Variants in KYAT1 observed in about 807,000 individuals in gnomAD.
The protein encoded by KYAT1 is kynurenine aminotransferase 1, also known as kynurenine--oxoglutarate transaminase 1.
A neutral mutation model predicts 52.4 loss-of-function variants in KYAT1; 47 were observed. The ratio of observed to expected loss-of-function variants is 0.90; its 90% CI spans 0.71 to 1.14. KYAT1 has a LOEUF of 1.14. Among genes scored for constraint, KYAT1 ranks in the 50% most tolerant of loss-of-function variants. The pLI, the probability that KYAT1 is intolerant of heterozygous loss-of-function variation, is 0.00. For synonymous variants in KYAT1, 212 were observed against 209.6 expected, an observed-to-expected ratio of 1.01 and a Z score of -0.10; for missense variants, 480 against 557.9, an observed-to-expected ratio of 0.86 and a Z score of 1.41.
intron 1 of KYAT1, 100 bp from the exon 2 acceptor site, chr9:128,845,511 A>G: frequency 9.1e-7 from 1 of 1,100,178 alleles, no homozygotes; most frequent in Non-Finnish European, 1.4e-6. Flanking sequence ...CCACAGCGCC[A>G]TCCTGTCTGC....
intron 1 of KYAT1, among the ~76,000 whole-genome samples, chr9:128,880,080 T>C (rs1382570036): frequency 6.6e-6 from 1 of 152,232 alleles, no homozygotes; most frequent in Non-Finnish European, 1.5e-5. Flanking sequence ...CTTATCTGCG[T>C]GTAAAATACA....
chr9:128,881,230 A>G (rs1390185785), intron 1 of KYAT1, among the ~76,000 whole-genome samples: 1 of 151,810 alleles, frequency 6.6e-6, no homozygotes, highest in African/African-American at 2.4e-5. Context: ...ACAGGCGCCC[A>G]CCACCACGCC....
intron 1 of KYAT1, among the ~76,000 whole-genome samples, chr9:128,853,333 C>T (rs181623678): frequency 3.9e-5 from 6 of 152,232 alleles, no homozygotes; most frequent in East Asian, 1.9e-4. Context: ...GCTCTGATGG[C>T]GTTTACTGAT....
At chr9:128,872,799 G>C (rs749713327) in intron 1 of KYAT1, among the ~76,000 whole-genome samples, 1 of 150,718 alleles carries the variant, frequency 6.6e-6, no homozygotes, top group Non-Finnish European at 1.5e-5. Flanking sequence ...TTGGCCAGAC[G>C]TGGTGGCTCA....
intron 1 of KYAT1, among the ~76,000 whole-genome samples, chr9:128,864,529 C>T (rs905781580): frequency 6.6e-6 from 1 of 152,086 alleles, no homozygotes. Flanking sequence ...CATCCCTTTA[C>T]CCTCTGGCCC....
chr9:128,845,224 G>T, intron 2 of KYAT1, 129 bp downstream of exon 2: 1 of 702,348 alleles, frequency 1.4e-6, no homozygotes, highest in Non-Finnish European at 2.4e-6. Flanking sequence ...TCTCTCCTGA[G>T]CTATGGCTGG....
intron 1 of KYAT1, among the ~76,000 whole-genome samples, chr9:128,870,479 A>G (rs184474873): frequency 6.6e-6 from 1 of 152,292 alleles, no homozygotes; most frequent in African/African-American, 2.4e-5. Context: ...TCTACAAAAA[A>G]TACAAAAATC....
intron 1 of KYAT1, among the ~76,000 whole-genome samples, chr9:128,864,920 T>G (rs1459557632): frequency 1.3e-5 from 2 of 151,846 alleles, no homozygotes; most frequent in African/African-American, 2.4e-5. Flanking sequence ...CCCATCACTT[T>G]TAATCCTATA....
At chr9:128,840,043 G>A (rs1484338887) in intron 3 of KYAT1, among the ~76,000 whole-genome samples, 2 of 148,970 alleles carry the variant, frequency 1.3e-5, no homozygotes, top group African/African-American at 4.9e-5. Flanking sequence ...CTGAGACTCT[G>A]TCTTAGACAA....
intron 7 of KYAT1, among the ~76,000 whole-genome samples, chr9:128,836,436 C>T (rs556100935): frequency 3.0e-4 from 46 of 151,996 alleles, no homozygotes; most frequent in African/African-American, 1.0e-3. Context: ...GTAGCTGGGA[C>T]TACAGGCACG....
intron 1 of KYAT1, among the ~76,000 whole-genome samples, chr9:128,849,535 C>T: frequency 6.6e-6 from 1 of 151,900 alleles, no homozygotes. Flanking sequence ...GCAGCTTATG[C>T]CTGTAATCCC....
intron 3 of KYAT1, chr9:128,840,699 A>G (rs934773890): frequency 1.4e-5 from 6 of 430,852 alleles, no homozygotes; most frequent in Non-Finnish European, 2.8e-5. Flanking sequence ...AAATGAGTAA[A>G]CCTTACTGGA....
chr9:128,838,264 C>T lies in KYAT1; in HGVS notation c.305G>A (p.Gly102Glu), dbSNP rs1288120489. 5 of 1,614,092 alleles carry T rather than the reference C, an allele frequency of 3.1e-6. No individual in the cohort carries two copies. The highest frequency in any genetic ancestry group is 4.2e-6 in the Non-Finnish European group (5 of 1,180,048). Residue 102 changes from glycine to glutamate, a missense_variant, in exon 4 of 13, where the codon GGG becomes GAG. By Grantham distance (98) the Gly-to-Glu change is moderately conservative (BLOSUM62 -2). Coordinates refer to ENST00000302586, the MANE Select transcript of KYAT1 (RefSeq NM_004059.5). ...RNVLVTVGGY[G>E]ALFTAFQALV... ...GGCCTGGAAGGCTGTGAACAGGGCCCCATAGCCACCAACAGTCACCAGCAC... is the reference window on the plus strand; with the variant it reads ...GGCCTGGAAGGCTGTGAACAGGGCCTCATAGCCACCAACAGTCACCAGCAC...
intron 1 of KYAT1, among the ~76,000 whole-genome samples, chr9:128,864,291 G>A (rs1355163192): frequency 2.7e-5 from 4 of 150,902 alleles, no homozygotes; most frequent in Admixed American, 6.6e-5. Flanking sequence ...TTGTGAACCC[G>A]GGAGGCGAAG....
intron 1 of KYAT1, among the ~76,000 whole-genome samples, chr9:128,868,616 A>G (rs951659764): frequency 3.3e-5 from 5 of 151,702 alleles, no homozygotes; most frequent in Non-Finnish European, 7.4e-5. Flanking sequence ...GGCTCACTAC[A>G]GCCTTGTTCT....
In KYAT1 at chr9:128,833,197, C is replaced by A; in HGVS notation, c.*387G>T. ...AAGCCTAAAGGCAACTCCCCAAGGCCAAGATGAGCCAGGGAAGGTGAGGTT... is the reference window on the plus strand; with the variant it reads ...AAGCCTAAAGGCAACTCCCCAAGGCAAAGATGAGCCAGGGAAGGTGAGGTT... On this transcript the variant is annotated 3_prime_UTR_variant, in exon 13 of 13. Transcript: ENST00000302586. 1 of 268,332 alleles carries A rather than the reference C, an allele frequency of 3.7e-6. No individual in the cohort carries two copies. Among genetic ancestry groups the A allele is most frequent in the Non-Finnish European group, 7.1e-6 (1 of 141,178 alleles). 16.6% of individuals were successfully genotyped at this position (268,332 alleles called of 1,614,324 possible).
chr9:128,846,857 C>T, intron 1 of KYAT1: 1 of 1,534,960 alleles, frequency 6.5e-7, no homozygotes, highest in Non-Finnish European at 8.7e-7. Context: ...TCTCAGCCAC[C>T]TGCTGTGGTC....
chr9:128,853,653 C>G (rs1159370535), intron 1 of KYAT1, among the ~76,000 whole-genome samples: 1 of 152,156 alleles, frequency 6.6e-6, no homozygotes, highest in African/African-American at 2.4e-5. Flanking sequence ...TTTACCAGGG[C>G]CTTTAACTAA....
chr9:128,846,631 A>T, intron 1 of KYAT1: 1 of 1,159,130 alleles, frequency 8.6e-7, no homozygotes, highest in Non-Finnish European at 1.2e-6. Context: ...AAAAAGAAAG[A>T]AAGAAATTGG....
Sources: gnomAD v4.1 joint callset for allele counts (sites outside exome capture counted in the v4.1 genomes callset) on GRCh38, gnomAD v4.1.1 for gene constraint, MANE v1.5 for transcripts, NCBI Gene and HGNC (gene_info 2026-07-23, HGNC 2026-07-21) for gene names.